Variants in CFAP61 observed in about 807,000 individuals in gnomAD.
CFAP61 encodes cilia and flagella associated protein 61, also known as cilia- and flagella-associated protein 61.
In CFAP61, 107 loss-of-function variants were observed where a neutral mutation model predicts 135.6. The observed-to-expected ratio is 0.79, with a 90% CI of 0.67 to 0.93. The LOEUF (loss-of-function observed/expected upper bound fraction) is 0.93, where lower values mean the gene tolerates loss of function less well. Among genes scored for constraint, CFAP61 ranks in the 40% least tolerant of loss-of-function variants. The pLI is 0.00. For missense variants in CFAP61, 1,507 were observed against 1,556.2 expected (o/e 0.97, Z 0.53); for synonymous variants, 575 against 578.5 (o/e 0.99, Z 0.09).
chr20:20,318,107 G>A (rs935026807), intron 25 of CFAP61, among the ~76,000 whole-genome samples: 4 of 152,150 alleles, frequency 2.6e-5, no homozygotes, highest in African/African-American at 7.2e-5. Flanking sequence ...TGGGTCAATC[G>A]TTGCCCTCAG....
chr20:20,097,739 G>T (rs879695331), intron 7 of CFAP61, among the ~76,000 whole-genome samples: 13 of 152,186 alleles, frequency 8.5e-5, no homozygotes, highest in Admixed American at 8.5e-4. Context: ...GACCCACCTG[G>T]TGAACCAGCC....
rs1284803005 is a variant in CFAP61, at chr20:20,360,227, C to A, written c.3531C>A (p.Ser1177=). ...LASKEEEDLP[S]IEQLAHQIED... ...TTTTACAGGAGGAAGATCTTCCTTC[C>A]ATAGAGCAGTTAGCCCATCAAATAG... The change falls in exon 27 of 27, where the codon TCC becomes TCA. Residue 1177 remains serine (S), a synonymous_variant. Transcript: ENST00000245957. 1.2e-6 allele frequency: 2 copies of A among 1,613,572 alleles called. No individual in the cohort carries two copies. The highest frequency in any genetic ancestry group is 3.3e-5 in the Admixed American group (2 of 60,014).
intron 18 of CFAP61, among the ~76,000 whole-genome samples, chr20:20,230,427 T>C (rs1364001195): frequency 2.0e-5 from 3 of 152,236 alleles, no homozygotes; most frequent in Non-Finnish European, 4.4e-5. Flanking sequence ...GAACTTAATT[T>C]TATACATGAT....
intron 20 of CFAP61, 141 bp downstream of exon 20, chr20:20,251,904 C>G: frequency 1.2e-6 from 1 of 822,578 alleles, no homozygotes; most frequent in Non-Finnish European, 1.9e-6. Flanking sequence ...CATAAAAGCA[C>G]CCTTCAGGGC....
chr20:20,275,032 A>AAAGCAAG (rs5840878), intron 21 of CFAP61, among the ~76,000 whole-genome samples: 83,153 of 151,434 alleles, frequency 0.55, 23,208 homozygotes, highest in Middle Eastern at 0.71. Flanking sequence ...GCTCATGGGC[A>AAAGCAAG]TGACCATGAC....
intron 25 of CFAP61, among the ~76,000 whole-genome samples, chr20:20,312,679 GAGAA>G (rs1215456917): frequency 2.0e-5 from 3 of 152,048 alleles, no homozygotes; most frequent in African/African-American, 4.8e-5. Flanking sequence ...CCACAATAAA[GAGAA>G]AGTCTTAAAA....
intron 15 of CFAP61, among the ~76,000 whole-genome samples, chr20:20,195,078 A>G (rs2056193962): frequency 6.6e-6 from 1 of 152,202 alleles, no homozygotes; most frequent in Non-Finnish European, 1.5e-5. Flanking sequence ...AAAGTCTTAT[A>G]GTATAAAGGC....
intron 25 of CFAP61, among the ~76,000 whole-genome samples, chr20:20,306,376 C>CT (rs769200338): frequency 1.2e-4 from 18 of 152,132 alleles, no homozygotes; most frequent in Non-Finnish European, 2.4e-4. Flanking sequence ...TTAGGACTTA[C>CT]TAGAAAGGCT....
chr20:20,255,266 G>A (rs932559305), intron 20 of CFAP61, among the ~76,000 whole-genome samples: 18 of 152,264 alleles, frequency 1.2e-4, no homozygotes, highest in Admixed American at 1.2e-3. Flanking sequence ...ACTCATGGAC[G>A]GTCATGGAGC....
chr20:20,088,376 G>C (rs1490187104), intron 6 of CFAP61, among the ~76,000 whole-genome samples: 1 of 152,192 alleles, frequency 6.6e-6, no homozygotes, highest in Non-Finnish European at 1.5e-5. Flanking sequence ...CAGTTCTGCA[G>C]CGCTGGGGAG....
chr20:20,254,245 A>G (rs17400989), intron 20 of CFAP61, among the ~76,000 whole-genome samples: 8,610 of 137,450 alleles, frequency 0.063, 478 homozygotes, highest in Middle Eastern at 0.11. Flanking sequence ...TTTTATGGTT[A>G]AAGGATAAAT....
chr20:20,357,220 G>T (rs1230760374), intron 26 of CFAP61, among the ~76,000 whole-genome samples: 4 of 71,860 alleles, frequency 5.6e-5, no homozygotes, highest in African/African-American at 2.0e-4. Flanking sequence ...CACACTGAGG[G>T]GAGGGGGTCA....
Position 20,251,749 on chromosome 20 carries a change from G to A in CFAP61, c.2314G>A (p.Gly772Arg), listed in dbSNP as rs1000620690. 12 of 1,613,524 alleles carry A rather than the reference G, an allele frequency of 7.4e-6. No homozygotes were observed. The highest frequency in any genetic ancestry group is 2.2e-5 in the East Asian group (1 of 44,882). ...VPYDHLILCT[G>R]QQYQVPCPTE... is the part of the protein sequence containing the mutation. ...CTACGACCACCTCATCCTCTGCACC[G>A]GGCAGCAGTACCAGGTAAGGCCGGG... The change falls in exon 20 of 27, where the codon GGG (glycine) becomes AGG (arginine). Residue 772 changes from glycine (G) to arginine (R), a missense_variant. By Grantham distance (125) the Gly-to-Arg change is moderately radical. Coordinates refer to ENST00000245957, the MANE Select transcript of CFAP61 (RefSeq NM_015585.4).
At chr20:20,113,966 CAAA>C (rs11456473) in intron 8 of CFAP61, among the ~76,000 whole-genome samples, 7 of 94,562 alleles carry the variant, frequency 7.4e-5, no homozygotes, top group Admixed American at 2.5e-4. Context: ...CATGAGAGCT[CAAA>C]AAAAAAAAAA....
At position 20,305,995 on chromosome 20, in the gene CFAP61, G is replaced by A. The variant is rs1282616375; in HGVS notation, c.3422+7609G>A. The stretch of plus-strand genomic sequence containing the variant: ...TTTAGATCTGGAAGTGTAGACCAAG[G>A]AGGAGGCGAAAGTCCACTGGACACA... On this transcript the variant is annotated intron_variant, in intron 25 of 26. Transcript: ENST00000245957. Among the ~76,000 whole-genome samples the A allele has an allele frequency of 2.6e-5, 4 of 152,168 alleles. No homozygotes were observed. The East Asian group carries it at 7.7e-4, about 29-fold the overall frequency.
chr20:20,237,350 C>G (rs1732008575), intron 18 of CFAP61, among the ~76,000 whole-genome samples: 1 of 152,176 alleles, frequency 6.6e-6, no homozygotes, highest in Non-Finnish European at 1.5e-5. Context: ...CAGGTCGCAT[C>G]CTCATTCCTA....
intron 14 of CFAP61, among the ~76,000 whole-genome samples, chr20:20,188,297 T>C (rs1184433871): frequency 2.0e-5 from 3 of 152,148 alleles, no homozygotes; most frequent in South Asian, 2.1e-4. Context: ...CTCAGGAAGA[T>C]AGAAAATTTG....
chr20:20,056,532 T>C, intron 1 of CFAP61, 86 bp from the exon 2 acceptor site: 3 of 923,590 alleles, frequency 3.2e-6, no homozygotes, highest in Non-Finnish European at 3.3e-6. Flanking sequence ...TCTCACACCA[T>C]GTTCACTCTG....
intron 24 of CFAP61, among the ~76,000 whole-genome samples, chr20:20,296,009 CCCTCCTTTCCTTCCTTCTTTCTTTT>C (rs2055417471): frequency 1.1e-5 from 1 of 88,608 alleles, no homozygotes; most frequent in African/African-American, 4.2e-5. Flanking sequence ...TTCCTTCCTT[CCCTCCTTTCCTTCCTTCTTTCTTTT>C]CTTCCTCCCT....
Sources: allele counts gnomAD v4.1 joint callset (sites outside exome capture counted in the v4.1 genomes callset), GRCh38; gene constraint gnomAD v4.1.1; transcripts MANE v1.5; gene names NCBI Gene and HGNC (gene_info 2026-07-23, HGNC 2026-07-21).